SLC25A21: variants seen among roughly 807,000 people sequenced by gnomAD.
The protein encoded by SLC25A21 is solute carrier family 25 member 21.
A neutral mutation model predicts 43.8 loss-of-function variants in SLC25A21; 47 were observed. That is an observed-to-expected ratio of 1.07 (90% CI 0.85 to 1.37). The LOEUF (loss-of-function observed/expected upper bound fraction) is 1.37, where lower values mean the gene tolerates loss of function less well. Among genes scored for constraint, SLC25A21 ranks in the 40% most tolerant of loss-of-function variants. The pLI, the probability that SLC25A21 is intolerant of heterozygous loss-of-function variation, is 0.00. For synonymous variants in SLC25A21, 131 were observed against 121.3 expected, an observed-to-expected ratio of 1.08 and a Z score of -0.52; for missense variants, 352 against 350.2, an observed-to-expected ratio of 1.00 and a Z score of -0.04.
chr14:36,725,580 G>A lies in SLC25A21; in HGVS notation c.428C>T (p.Thr143Ile), dbSNP rs140171268. Reference sequence around the variant, plus strand: ...ACATTAAATGGTTACCTCTGCAAATGTGTTCCGATTTGCTTGCAAGCCAAC... The same window carrying A: ...ACATTAAATGGTTACCTCTGCAAATATGTTCCGATTTGCTTGCAAGCCAAC... ...VKVGLQANRN[T>I]FAEQPSTVGY... is the part of the protein sequence containing the mutation. The change falls in exon 6 of 10, where the codon ACA becomes ATA. Residue 143 changes from threonine (T) to isoleucine (I), a missense_variant. Physicochemically the swap from Thr to Ile is moderately conservative, Grantham distance 89 (BLOSUM62 -1). Coordinates refer to ENST00000331299, the MANE Select transcript of SLC25A21 (RefSeq NM_030631.4). 740 of 1,573,970 alleles carry A rather than the reference G, an allele frequency of 4.7e-4. 6 individuals are homozygous for A. In the African/African-American group the frequency reaches 9.4e-3, roughly 20 times the overall value.
intron 1 of SLC25A21, among the ~76,000 whole-genome samples, chr14:36,997,561 G>A (rs1361325267): frequency 6.6e-6 from 1 of 152,178 alleles, no homozygotes; most frequent in African/African-American, 2.4e-5. Context: ...GGGCACAATG[G>A]CTCATGCCTG....
chr14:36,893,011 G>A (rs150764558), intron 1 of SLC25A21, among the ~76,000 whole-genome samples: 3,420 of 152,224 alleles, frequency 0.022, 136 homozygotes, highest in African/African-American at 0.077. Context: ...ATAAACATAC[G>A]TGTGCATGTG....
Position 36,679,160 on chromosome 14 carries a change from CAG to C in SLC25A21, c.*1496_*1497del. ...GCAAGGATAGAATGCAGTTGTGCAA[CAG>C]AGACACATTCTTATTTCTTTTTTTT... is the stretch of plus-strand genomic sequence containing the variant. On this transcript the variant is annotated 3_prime_UTR_variant, in exon 10 of 10. Transcript: ENST00000331299. 2.0e-6 allele frequency: 2 copies of C among 985,348 alleles called. No homozygotes were observed. The highest frequency in any genetic ancestry group is 2.4e-6 in the Non-Finnish European group (2 of 829,884). 61.0% of individuals were successfully genotyped at this position (985,348 alleles called of 1,614,324 possible).
At chr14:36,923,251 T>C (rs1440378291) in intron 1 of SLC25A21, among the ~76,000 whole-genome samples, 1 of 152,042 alleles carries the variant, frequency 6.6e-6, no homozygotes, top group Non-Finnish European at 1.5e-5. Context: ...AAGATAACAG[T>C]GACAGCACAA....
intron 1 of SLC25A21, among the ~76,000 whole-genome samples, chr14:36,933,872 ATTC>A (rs1420534582): frequency 6.6e-6 from 1 of 152,118 alleles, no homozygotes; most frequent in Non-Finnish European, 1.5e-5. Flanking sequence ...ACTCACAACT[ATTC>A]TTCTTTCAGT....
At chr14:36,723,764 C>G (rs1297051738) in intron 6 of SLC25A21, among the ~76,000 whole-genome samples, 7 of 152,170 alleles carry the variant, frequency 4.6e-5, no homozygotes, top group Admixed American at 1.3e-4. Flanking sequence ...TAGCATGAGC[C>G]GAGGTGCCCT....
At chr14:36,863,487 G>A (rs1025626231) in intron 2 of SLC25A21, among the ~76,000 whole-genome samples, 1 of 151,966 alleles carries the variant, frequency 6.6e-6, no homozygotes, top group South Asian at 2.1e-4. Context: ...TCCTCTAGGG[G>A]GCGATTTTAA....
chr14:37,062,976 G>A (rs536832431), intron 1 of SLC25A21, among the ~76,000 whole-genome samples: 1 of 152,240 alleles, frequency 6.6e-6, no homozygotes, highest in East Asian at 1.9e-4. Context: ...ATTCCACATG[G>A]CTGGGGAGGC....
At chr14:37,046,755 A>G (rs928124339) in intron 1 of SLC25A21, among the ~76,000 whole-genome samples, 7 of 152,126 alleles carry the variant, frequency 4.6e-5, no homozygotes, top group Non-Finnish European at 1.0e-4. Flanking sequence ...TCCTCCACCA[A>G]TTAGAAGTTC....
chr14:36,962,831 C>T (rs1959525973), intron 1 of SLC25A21, among the ~76,000 whole-genome samples: 1 of 152,124 alleles, frequency 6.6e-6, no homozygotes, highest in Non-Finnish European at 1.5e-5. Context: ...ATAACAGTCT[C>T]TTTTAGGGGT....
chr14:36,989,757 A>G (rs942951671), intron 1 of SLC25A21, among the ~76,000 whole-genome samples: 1 of 152,120 alleles, frequency 6.6e-6, no homozygotes, highest in Admixed American at 6.6e-5. Context: ...TAGTGATTCT[A>G]GAGACCCTCC....
At chr14:36,939,540 T>C (rs1594706676) in intron 1 of SLC25A21, among the ~76,000 whole-genome samples, 1 of 152,198 alleles carries the variant, frequency 6.6e-6, no homozygotes, top group East Asian at 1.9e-4. Flanking sequence ...CCTGGAGCTT[T>C]GTCAAATCTC....
intron 1 of SLC25A21, among the ~76,000 whole-genome samples, chr14:37,148,487 T>C (rs1223822098): frequency 6.6e-6 from 1 of 152,182 alleles, no homozygotes; most frequent in Non-Finnish European, 1.5e-5. Flanking sequence ...ACAAGAAACA[T>C]TCCCTCCACC....
At position 36,829,929 on chromosome 14, in the gene SLC25A21, AT is replaced by A. The variant is rs34135187; in HGVS notation, c.120-15929del. 3.2e-3 allele frequency among the ~76,000 whole-genome samples: 481 copies of A among 149,802 alleles called. 3 individuals carry two copies. Among genetic ancestry groups the A allele is most frequent in the African/African-American group, 0.011 (465 of 40,694 alleles). On this transcript the variant is annotated intron_variant, in intron 2 of 9. Transcript: ENST00000331299. ...GATGACTGATGTTGTCTGCTGTTGCATTTTTTTTTTCTTCTGGTGGATTGCT... is the reference window on the plus strand; with the variant it reads ...GATGACTGATGTTGTCTGCTGTTGCATTTTTTTTTCTTCTGGTGGATTGCT...
At chr14:36,741,289 T>TCCATG (rs1885251586) in intron 3 of SLC25A21, among the ~76,000 whole-genome samples, 1 of 152,180 alleles carries the variant, frequency 6.6e-6, no homozygotes, top group Non-Finnish European at 1.5e-5. Context: ...CATGGAATAT[T>TCCATG]TTCTTATTTG....
At chr14:36,981,461 G>A (rs1960020490) in intron 1 of SLC25A21, among the ~76,000 whole-genome samples, 1 of 152,150 alleles carries the variant, frequency 6.6e-6, no homozygotes, top group African/African-American at 2.4e-5. Context: ...ATGATAGACT[G>A]GATTAAGAAA....
chr14:36,902,202 T>C (rs1891414568), intron 1 of SLC25A21, among the ~76,000 whole-genome samples: 1 of 152,208 alleles, frequency 6.6e-6, no homozygotes, highest in South Asian at 2.1e-4. Context: ...TCCCCAAATG[T>C]GTGGAAATAC....
intron 1 of SLC25A21, among the ~76,000 whole-genome samples, chr14:37,115,716 T>C (rs913566884): frequency 1.6e-4 from 24 of 152,190 alleles, no homozygotes; most frequent in Admixed American, 7.2e-4. Flanking sequence ...GCCTGAAACA[T>C]ATTCACAAGG....
At chr14:36,786,813 C>T (rs1332898750) in intron 3 of SLC25A21, among the ~76,000 whole-genome samples, 1 of 152,086 alleles carries the variant, frequency 6.6e-6, no homozygotes, top group East Asian at 1.9e-4. Flanking sequence ...AAGAGTTTGG[C>T]GTATGGCACT....
Sources: gnomAD v4.1 joint callset for allele counts (sites outside exome capture counted in the v4.1 genomes callset) on GRCh38, gnomAD v4.1.1 for gene constraint, MANE v1.5 for transcripts, NCBI Gene and HGNC (gene_info 2026-07-23, HGNC 2026-07-21) for gene names.